The following PCSK5 variants were observed in gnomAD, a reference collection of about 807,000 sequenced individuals.
PCSK5 encodes the protein prohormone convertase 5.
PCSK5 carries 129 observed loss-of-function variants against 233.2 expected under a neutral mutation model. That is an observed-to-expected ratio of 0.55 (90% CI 0.48 to 0.64). The LOEUF (loss-of-function observed/expected upper bound fraction) is 0.64, where lower values mean the gene tolerates loss of function less well. PCSK5 is among the 30% of genes least tolerant of loss of function. The pLI, the probability that PCSK5 is intolerant of heterozygous loss-of-function variation, is 0.00. For missense variants in PCSK5, 2,076 were observed against 2,430.1 expected, an observed-to-expected ratio of 0.85 and a Z score of 3.06; for synonymous variants, 825 against 879.2, an observed-to-expected ratio of 0.94 and a Z score of 1.09.
At chr9:75,948,257 C>G (rs908702300) in intron 2 of PCSK5, among the ~76,000 whole-genome samples, 1 of 151,848 alleles carries the variant, frequency 6.6e-6, no homozygotes, top group Non-Finnish European at 1.5e-5. Flanking sequence ...GTTGTTGCTC[C>G]CATCAACTCG....
intron 24 of PCSK5, among the ~76,000 whole-genome samples, chr9:76,247,186 A>G (rs1826637457): frequency 6.6e-6 from 1 of 152,210 alleles, no homozygotes; most frequent in African/African-American, 2.4e-5. Flanking sequence ...ACCCTGCCTG[A>G]TCTGGAGGGA....
intron 1 of PCSK5, among the ~76,000 whole-genome samples, chr9:75,903,590 A>ATATATT (rs1564071257): frequency 1.6e-5 from 2 of 122,732 alleles, no homozygotes; most frequent in African/African-American, 7.7e-5. Context: ...ATATATATAA[A>ATATATT]ATATATATTA....
intron 3 of PCSK5, among the ~76,000 whole-genome samples, chr9:76,016,863 C>G (rs1047689932): frequency 6.6e-6 from 1 of 152,054 alleles, no homozygotes; most frequent in Admixed American, 6.5e-5. Flanking sequence ...TCTTAACCCT[C>G]AATTATGAGT....
intron 29 of PCSK5, among the ~76,000 whole-genome samples, chr9:76,309,762 T>C (rs1828810826): frequency 6.6e-6 from 1 of 151,964 alleles, no homozygotes; most frequent in Non-Finnish European, 1.5e-5. Context: ...TGGAATCTGA[T>C]GCAAAAGCAG....
At chr9:75,906,892 C>T (rs377045490) in intron 1 of PCSK5, among the ~76,000 whole-genome samples, 4 of 152,176 alleles carry the variant, frequency 2.6e-5, no homozygotes, top group East Asian at 3.9e-4. Context: ...CCAGATATTA[C>T]GCTCAATGCT....
intron 12 of PCSK5, among the ~76,000 whole-genome samples, chr9:76,161,696 A>C (rs369657369): frequency 6.6e-6 from 1 of 152,190 alleles, no homozygotes; most frequent in Non-Finnish European, 1.5e-5. Flanking sequence ...CAGTGAGGAA[A>C]CTTGTGAGCA....
intron 29 of PCSK5, among the ~76,000 whole-genome samples, chr9:76,309,862 T>A (rs377275179): frequency 7.9e-5 from 12 of 152,206 alleles, no homozygotes; most frequent in African/African-American, 2.9e-4. Flanking sequence ...TCCTGGAATC[T>A]TGGGTGTGAG....
intron 7 of PCSK5, among the ~76,000 whole-genome samples, chr9:76,091,056 G>A (rs1169023292): frequency 6.6e-6 from 1 of 152,172 alleles, no homozygotes; most frequent in Non-Finnish European, 1.5e-5. Context: ...ATGGAGAATG[G>A]CTGTAAATAC....
intron 21 of PCSK5, among the ~76,000 whole-genome samples, chr9:76,232,621 CCTAT>C (rs1484753190): frequency 1.3e-5 from 2 of 152,164 alleles, no homozygotes; most frequent in Admixed American, 1.3e-4. Flanking sequence ...ATTCATATTA[CCTAT>C]CTGACTCTTG....
rs1268952168 is a variant in PCSK5, at chr9:76,064,704, G to A, written c.633-3251G>A. Among the ~76,000 whole-genome samples the A allele has an allele frequency of 1.1e-3, 166 of 149,858 alleles. 2 individuals carry two copies. Among genetic ancestry groups the A allele is most frequent in the Non-Finnish European group, 1.8e-4 (12 of 67,382 alleles). Reference sequence around the variant, plus strand: ...TCCTCACTTCTCAGACGGGGCGGCCGGGCAGAGACGCTCCTCACCTCCCAG... The same window carrying A: ...TCCTCACTTCTCAGACGGGGCGGCCAGGCAGAGACGCTCCTCACCTCCCAG... On this transcript the variant is annotated intron_variant, in intron 5 of 37. Coordinates refer to ENST00000674117, the MANE Select transcript of PCSK5 (RefSeq NM_001372043.1).
At chr9:76,156,175 A>G (rs1822567654) in intron 10 of PCSK5, among the ~76,000 whole-genome samples, 1 of 152,170 alleles carries the variant, frequency 6.6e-6, no homozygotes, top group Non-Finnish European at 1.5e-5. Flanking sequence ...GTTCAATAAG[A>G]AGTGGAGATT....
At chr9:76,268,697 T>C (rs1827417837) in intron 24 of PCSK5, among the ~76,000 whole-genome samples, 1 of 151,810 alleles carries the variant, frequency 6.6e-6, no homozygotes, top group African/African-American at 2.4e-5. Context: ...ATACAAAAAC[T>C]AGCCAAATGT....
chr9:76,172,468 A>G (rs1823371753), intron 13 of PCSK5, among the ~76,000 whole-genome samples: 2 of 152,218 alleles, frequency 1.3e-5, no homozygotes, highest in South Asian at 2.1e-4. Context: ...TGAAATATAA[A>G]GAGATGAATT....
At chr9:76,181,908 A>G (rs139498926) in intron 16 of PCSK5, among the ~76,000 whole-genome samples, 1 of 152,158 alleles carries the variant, frequency 6.6e-6, no homozygotes, top group Admixed American at 6.5e-5. Flanking sequence ...AGGCATATGG[A>G]ACAAGGTTCA....
intron 1 of PCSK5, 150 bp from the exon 2 acceptor site, chr9:75,932,229 A>G: frequency 1.7e-6 from 1 of 600,796 alleles, no homozygotes; most frequent in South Asian, 2.2e-5. Flanking sequence ...ACCAAGGTTC[A>G]GGTAACATTT....
intron 2 of PCSK5, among the ~76,000 whole-genome samples, chr9:75,954,888 C>T (rs1044237511): frequency 2.0e-5 from 3 of 152,170 alleles, no homozygotes; most frequent in Non-Finnish European, 2.9e-5. Context: ...GTTGCCTGTA[C>T]GTCTCTGAAA....
chr9:76,221,621 G>A (rs1315360170), intron 20 of PCSK5, among the ~76,000 whole-genome samples: 5 of 152,196 alleles, frequency 3.3e-5, no homozygotes, highest in African/African-American at 7.2e-5. Flanking sequence ...ATTCAGGTGC[G>A]TCAGCCAAGA....
chr9:76,175,335 C>T (rs750098472), intron 14 of PCSK5: 8 of 483,634 alleles, frequency 1.7e-5, no homozygotes, highest in South Asian at 3.1e-5. Flanking sequence ...TAGAATAGAA[C>T]AGAACAATCT....
intron 2 of PCSK5, among the ~76,000 whole-genome samples, chr9:75,961,484 A>G (rs1442849452): frequency 1.3e-5 from 2 of 152,236 alleles, no homozygotes; most frequent in African/African-American, 4.8e-5. Flanking sequence ...GCATGTGGCT[A>G]GTACGTCTGA....
Sources: gnomAD v4.1 joint callset for allele counts (sites outside exome capture counted in the v4.1 genomes callset) on GRCh38, gnomAD v4.1.1 for gene constraint, MANE v1.5 for transcripts, NCBI Gene and HGNC (gene_info 2026-07-23, HGNC 2026-07-21) for gene names.